The following HDGFL3 variants were observed in gnomAD, a reference collection of about 807,000 sequenced individuals.
HDGFL3 encodes the protein hepatoma-derived growth factor-related protein 3.
In HDGFL3, 6 loss-of-function variants were observed where a neutral mutation model predicts 27.6. The observed-to-expected ratio is 0.22, with a 90% confidence interval of 0.12 to 0.43. HDGFL3 has a LOEUF of 0.43. HDGFL3 is among the 20% of genes least tolerant of loss of function. The pLI is 1.00. For synonymous variants in HDGFL3, 88 were observed against 88.9 expected (o/e 0.99, Z 0.05); for missense variants, 207 against 250.1 (o/e 0.83, Z 1.16).
chr15:83,169,414 C>CAAAAAAAAAAAAAAAAAAAAAAAAAAA (rs58159581), intron 1 of HDGFL3, among the ~76,000 whole-genome samples: 2 of 35,570 alleles, frequency 5.6e-5, no homozygotes, highest in African/African-American at 1.7e-4. Context: ...GACTCCGTCT[C>CAAAAAAAAAAAAAAAAAAAAAAAAAAA]AAAAAAAAAA....
At chr15:83,127,440 C>G, downstream of HDGFL3, 1 of 1,613,914 alleles carries the variant, frequency 6.2e-7, no homozygotes, top group East Asian at 2.2e-5. Flanking sequence ...TCCTGGATGC[C>G]TGACATCACA....
rs553095934 is a variant in HDGFL3, at chr15:83,169,108, G to C, written c.85-5033C>G. ...ACCCTCAAGAAACTAGGTATTGAAG[G>C]AACATATCTCAAAATAAGAGCCATA... On this transcript the variant is annotated intron_variant, in intron 1 of 5. Coordinates refer to ENST00000299633, the MANE Select transcript of HDGFL3 (RefSeq NM_016073.4). The C allele has an allele frequency of 4.4e-4, 125 of 286,792 alleles. 1 individual carries two copies. The highest frequency in any genetic ancestry group is 3.9e-3 in the South Asian group (122 of 31,412). The allele number at this position is 286,792 out of a possible 1,614,324, so 17.8% of individuals were successfully genotyped here.
Position 83,130,607 on chromosome 15 carries a change from C to T in HDGFL3, c.*8663G>A, listed in dbSNP as rs1191001550. On this transcript the variant is annotated 3_prime_UTR_variant, in exon 6 of 6. Transcript: ENST00000299633. ...TAAAGAATTATGGGTCTGATTCCCACAGCTCTTGGCTGAGCTTTAATATCT... is the reference window on the plus strand; with the variant it reads ...TAAAGAATTATGGGTCTGATTCCCATAGCTCTTGGCTGAGCTTTAATATCT... The T allele has an allele frequency of 6.6e-6, 1 of 152,240 alleles. No individual in the cohort carries two copies. The highest frequency in any genetic ancestry group is 2.4e-5 in the African/African-American group (1 of 41,458). 9.4% of individuals were successfully genotyped at this position (152,240 alleles called of 1,614,324 possible). A position where few individuals can be genotyped will look rare whatever the true frequency, so the allele number is the denominator to read the frequency against.
chr15:83,158,158 T>C lies in HDGFL3; in HGVS notation c.162-117A>G, dbSNP rs1173579484. 3.2e-5 allele frequency: 26 copies of C among 814,752 alleles called. 1 individual carries two copies. The East Asian group carries it at 7.2e-4, about 22-fold the overall frequency. 50.5% of individuals were successfully genotyped at this position (814,752 alleles called of 1,614,324 possible). A position where few individuals can be genotyped will look rare whatever the true frequency, so the allele number is the denominator to read the frequency against. ...CTATAGCAAACAAATCTAAAGTACA[T>C]ATAAACCCTTCAAGTTAGGCACATA... On this transcript the variant is annotated intron_variant, in intron 2 of 5. Transcript: ENST00000299633.
intron 2 of HDGFL3, among the ~76,000 whole-genome samples, chr15:83,160,172 A>T (rs972305163): frequency 1.3e-5 from 2 of 151,668 alleles, no homozygotes; most frequent in African/African-American, 4.8e-5. Flanking sequence ...AGGGTAGAGG[A>T]GTTGAGGATA....
intron 1 of HDGFL3, among the ~76,000 whole-genome samples, chr15:83,186,220 A>C (rs1004422505): frequency 2.0e-5 from 3 of 152,254 alleles, no homozygotes; most frequent in African/African-American, 4.8e-5. Flanking sequence ...TTAAGCCATT[A>C]AATTTTAGAG....
chr15:83,155,521 G>C (rs1471073769), intron 4 of HDGFL3, among the ~76,000 whole-genome samples: 3 of 152,086 alleles, frequency 2.0e-5, no homozygotes, highest in Non-Finnish European at 2.9e-5. Flanking sequence ...AAGAAATTCA[G>C]CTTAAAAAAG....
At chr15:83,140,481 GTTTTTTT>G (rs11429826) in intron 5 of HDGFL3, among the ~76,000 whole-genome samples, 2 of 135,754 alleles carry the variant, frequency 1.5e-5, no homozygotes, top group African/African-American at 5.4e-5. Context: ...ACCAAAGAAA[GTTTTTTT>G]TTTTTTTTTT....
intron 1 of HDGFL3, among the ~76,000 whole-genome samples, chr15:83,201,949 C>A (rs1421525761): frequency 2.0e-5 from 3 of 152,026 alleles, no homozygotes; most frequent in African/African-American, 7.3e-5. Context: ...CTTCTTAGGC[C>A]AAAGTAATGA....
At chr15:83,124,526 TC>T, downstream of HDGFL3, 1 of 609,878 alleles carries the variant, frequency 1.6e-6, no homozygotes, top group Non-Finnish European at 2.8e-6. Flanking sequence ...GAAATGATTT[TC>T]CTAAAGTTCC....
At chr15:83,173,778 C>T (rs2037274981) in intron 1 of HDGFL3, among the ~76,000 whole-genome samples, 1 of 152,188 alleles carries the variant, frequency 6.6e-6, no homozygotes, top group Non-Finnish European at 1.5e-5. Flanking sequence ...CAAACCATCT[C>T]CTTTACAGGT....
In HDGFL3 at chr15:83,120,243, G is replaced by A. The variant is rs139393740; in HGVS notation, c.394-4502C>T. ...TTGGTACCCCCATCATGATATGCTA[G>A]CTTGGTCTTGGGAGGCACACATGTG... On this transcript the variant is annotated intron_variant, in intron 3 of 3. Coordinates refer to the HDGFL3 transcript ENST00000568294. 1.9e-3 allele frequency among the ~76,000 whole-genome samples: 283 copies of A among 152,318 alleles called. 1 individual carries two copies. Among genetic ancestry groups the A allele is most frequent in the Middle Eastern group, 6.8e-3 (2 of 294 alleles).
Position 83,135,019 on chromosome 15 carries a change from T to C in HDGFL3, c.*4251A>G, listed in dbSNP as rs1486919052. 1 of 152,016 alleles carries C rather than the reference T, an allele frequency of 6.6e-6. No homozygotes were observed. Among genetic ancestry groups the C allele is most frequent in the Non-Finnish European group, 1.5e-5 (1 of 68,026 alleles). The allele number at this position is 152,016 out of a possible 1,614,324, so 9.4% of individuals were successfully genotyped here. A position where few individuals can be genotyped will look rare whatever the true frequency, so the allele number is the denominator to read the frequency against. The stretch of plus-strand genomic sequence containing the variant: ...CTGCCTGGGCATCTACCCAGGGGAG[T>C]TGTATCTGAGGGCCGAGTCCTCTCA... On this transcript the variant is annotated 3_prime_UTR_variant, in exon 6 of 6. Transcript: ENST00000299633.
chr15:83,151,338 T>C lies in HDGFL3; in HGVS notation c.483A>G (p.Lys161=). 6.2e-7 allele frequency: 1 copy of C among 1,613,204 alleles called. No individual in the cohort carries two copies. The change falls in exon 5 of 6, where the codon AAA becomes AAG. Residue 161 remains lysine (K), a synonymous_variant. Transcript: ENST00000299633. ...CTTTGTCATCTTCATCTCCTGGAGA[T>C]TTCCGGGACTGTTTAGAGGATTTCT... ...TSKKSSKQSR[K]SPGDEDDKDC...
At chr15:83,168,032 A>G (rs2037194901) in intron 1 of HDGFL3, among the ~76,000 whole-genome samples, 1 of 152,210 alleles carries the variant, frequency 6.6e-6, no homozygotes, top group Non-Finnish European at 1.5e-5. Flanking sequence ...TTACATGGAA[A>G]TTAAACAAAT....
chr15:83,122,835 G>C (rs2035396630), downstream of HDGFL3: 1 of 1,613,882 alleles, frequency 6.2e-7, no homozygotes, highest in South Asian at 1.1e-5. Context: ...GCTGGTTTCA[G>C]AATCTATAAT....
chr15:83,192,226 G>A (rs1206830348), intron 1 of HDGFL3: 1 of 449,442 alleles, frequency 2.2e-6, no homozygotes, highest in Non-Finnish European at 4.5e-6. Flanking sequence ...ACAGGCATGA[G>A]CCACAGTGCC....
chr15:83,196,219 C>T (rs2037569928), intron 1 of HDGFL3, among the ~76,000 whole-genome samples: 1 of 151,546 alleles, frequency 6.6e-6, no homozygotes, highest in Non-Finnish European at 1.5e-5. Flanking sequence ...TATTTATTGA[C>T]TTATTTATTA....
Position 83,176,878 on chromosome 15 carries a change from A to C in HDGFL3, c.85-12803T>G. ...TTAAAAAAAAAAAGTACAAAATGTCAAATTTCCTATTTTTTATTAAAGGAG... is the reference window on the plus strand; with the variant it reads ...TTAAAAAAAAAAAGTACAAAATGTCCAATTTCCTATTTTTTATTAAAGGAG... On this transcript the variant is annotated intron_variant, in intron 1 of 5. Transcript: ENST00000299633. 1.7e-5 allele frequency among the ~76,000 whole-genome samples: 2 copies of C among 115,198 alleles called. 1 individual carries two copies. 75.6% of individuals were successfully genotyped at this position (115,198 alleles called of 152,430 possible). A position where few individuals can be genotyped will look rare whatever the true frequency, so the allele number is the denominator to read the frequency against.
Sources: gnomAD v4.1 joint callset for allele counts (sites outside exome capture counted in the v4.1 genomes callset) on GRCh38, gnomAD v4.1.1 for gene constraint, MANE v1.5 for transcripts, NCBI Gene and HGNC (gene_info 2026-07-23, HGNC 2026-07-21) for gene names.